HSPBAP1: variants seen among roughly 807,000 people sequenced by gnomAD.
HSPBAP1 encodes HSPB1 associated protein 1.
Under a neutral mutation model 45.2 loss-of-function variants are expected in HSPBAP1, and 27 were observed. That is an observed-to-expected ratio of 0.60 (90% CI 0.44 to 0.82). HSPBAP1 has a LOEUF of 0.82. Among genes scored for constraint, HSPBAP1 ranks in the 40% least tolerant of loss-of-function variants. HSPBAP1 has a pLI of 0.00. For synonymous variants in HSPBAP1, 204 were observed against 202.7 expected, an observed-to-expected ratio of 1.01 and a Z score of -0.06; for missense variants, 510 against 590.9, an observed-to-expected ratio of 0.86 and a Z score of 1.42.
At chr3:122,749,775 AT>A (rs1307615149) in intron 6 of HSPBAP1, among the ~76,000 whole-genome samples, 2 of 151,512 alleles carry the variant, frequency 1.3e-5, no homozygotes, top group Non-Finnish European at 2.9e-5. Context: ...TGCCCGGCTA[AT>A]TTTTTGTATT....
chr3:122,790,228 T>A (rs755552218), intron 1 of HSPBAP1, among the ~76,000 whole-genome samples: 17 of 152,204 alleles, frequency 1.1e-4, no homozygotes, highest in Non-Finnish European at 1.9e-4. Flanking sequence ...CTTGCTCTAT[T>A]TTTCTGCAAA....
At chr3:122,781,360 C>A (rs879309008) in intron 1 of HSPBAP1, among the ~76,000 whole-genome samples, 2 of 152,226 alleles carry the variant, frequency 1.3e-5, no homozygotes, top group Admixed American at 6.5e-5. Context: ...GGAGACCGGC[C>A]CGGCCAACAC....
intron 3 of HSPBAP1, among the ~76,000 whole-genome samples, chr3:122,763,583 T>C (rs368250866): frequency 6.6e-5 from 10 of 152,298 alleles, no homozygotes; most frequent in African/African-American, 2.2e-4. Context: ...TAAGCAAGTA[T>C]CATCTTAGAA....
At chr3:122,783,098 C>A (rs1935546044) in intron 1 of HSPBAP1, among the ~76,000 whole-genome samples, 1 of 152,180 alleles carries the variant, frequency 6.6e-6, no homozygotes, top group African/African-American at 2.4e-5. Context: ...GGAGTGTGTG[C>A]AGTGAGAAAG....
chr3:122,759,455 G>T, intron 3 of HSPBAP1, 95 bp from the exon 4 acceptor site: 1 of 1,288,850 alleles, frequency 7.8e-7, no homozygotes, highest in Non-Finnish European at 1.1e-6. Context: ...TTATTTAGCA[G>T]TTGGAATATT....
At position 122,759,222 on chromosome 3, in the gene HSPBAP1, A is replaced by G; in HGVS notation, c.569+2T>C. 7.0e-7 allele frequency: 1 copy of G among 1,433,424 alleles called. No homozygotes were observed. The highest frequency in any genetic ancestry group is 9.5e-7 in the Non-Finnish European group (1 of 1,057,936). The allele number at this position is 1,433,424 out of a possible 1,614,324, so 88.8% of individuals were successfully genotyped here. A position where few individuals can be genotyped will look rare whatever the true frequency, so the allele number is the denominator to read the frequency against. On this transcript the variant is annotated splice_donor_variant, in intron 4 of 7. Coordinates refer to ENST00000306103, the MANE Select transcript of HSPBAP1 (RefSeq NM_024610.6). LOFTEE classifies it high-confidence loss of function. ...ACACACACACACACACACACACATT[A>G]CCTTCCTTGTACCTGGAATACCAAG...
chr3:122,786,610 C>T (rs1935664873), intron 1 of HSPBAP1: 1 of 152,200 alleles, frequency 6.6e-6, no homozygotes. Flanking sequence ...ATTATCTGAT[C>T]TAAAAATCCC....
intron 6 of HSPBAP1, among the ~76,000 whole-genome samples, chr3:122,750,582 A>G (rs1004321536): frequency 2.7e-5 from 4 of 149,258 alleles, no homozygotes; most frequent in African/African-American, 9.9e-5. Context: ...CATTCTAGCT[A>G]CATCACTGAA....
intron 3 of HSPBAP1, among the ~76,000 whole-genome samples, chr3:122,766,191 T>C (rs1009820621): frequency 6.6e-6 from 1 of 152,236 alleles, no homozygotes; most frequent in African/African-American, 2.4e-5. Context: ...AATATTATTA[T>C]GTTAACGTAT....
chr3:122,754,669 TATTAATG>T, intron 5 of HSPBAP1: 1 of 985,306 alleles, frequency 1.0e-6, no homozygotes, highest in Non-Finnish European at 1.2e-6. Flanking sequence ...CCTTTCAAAT[TATTAATG>T]AAATATCAGA....
At position 122,740,828 on chromosome 3, in the gene HSPBAP1, A is replaced by T; in HGVS notation, c.984T>A (p.Ala328=). The change falls in exon 8 of 8, where the codon GCT becomes GCA. Residue 328 remains alanine (A), a synonymous_variant. Coordinates refer to ENST00000306103, the MANE Select transcript of HSPBAP1 (RefSeq NM_024610.6). ...HAVNCCYLNA[A]VSAFFDRCRT... is the part of the protein sequence containing the mutation. ...TGCAGCGATCAAAAAATGCAGAAAC[A>T]GCTGCATTTAAGTAGCAACAGTTGA... 2.5e-6 allele frequency: 4 copies of T among 1,614,156 alleles called. No individual in the cohort carries two copies. Among genetic ancestry groups the T allele is most frequent in the Non-Finnish European group, 3.4e-6 (4 of 1,180,028 alleles).
At chr3:122,784,146 C>T (rs1174129068) in intron 1 of HSPBAP1, among the ~76,000 whole-genome samples, 1 of 151,990 alleles carries the variant, frequency 6.6e-6, no homozygotes, top group Non-Finnish European at 1.5e-5. Flanking sequence ...TGCCTTTTAC[C>T]CAAAATAATC....
intron 3 of HSPBAP1, among the ~76,000 whole-genome samples, chr3:122,768,390 A>AG (rs1934863140): frequency 6.6e-6 from 1 of 152,246 alleles, no homozygotes; most frequent in Non-Finnish European, 1.5e-5. Flanking sequence ...TATGGAGGTC[A>AG]GGAGGCAATG....
At chr3:122,778,738 G>A (rs1289353569) in intron 1 of HSPBAP1, among the ~76,000 whole-genome samples, 3 of 152,004 alleles carry the variant, frequency 2.0e-5, no homozygotes, top group Admixed American at 2.0e-4. Flanking sequence ...CACTGTATTA[G>A]CCAAAATGGT....
intron 1 of HSPBAP1, among the ~76,000 whole-genome samples, chr3:122,788,357 T>C (rs1034248579): frequency 6.6e-6 from 1 of 152,200 alleles, no homozygotes; most frequent in African/African-American, 2.4e-5. Flanking sequence ...TTTTGCAACG[T>C]ACCTCCAAAA....
Position 122,793,783 on chromosome 3 carries a change from G to A in HSPBAP1, c.-103C>T, listed in dbSNP as rs1417167905. 13 of 1,097,688 alleles carry A rather than the reference G, an allele frequency of 1.2e-5. No individual in the cohort carries two copies. In the East Asian group the frequency reaches 3.0e-4, roughly 26 times the overall value. 68.0% of individuals were successfully genotyped at this position (1,097,688 alleles called of 1,614,324 possible). On this transcript the variant is annotated 5_prime_UTR_variant, in exon 1 of 8. Coordinates refer to ENST00000306103, the MANE Select transcript of HSPBAP1 (RefSeq NM_024610.6). The stretch of plus-strand genomic sequence containing the variant: ...GAGACCCGAAGCTGCACCACAGGAA[G>A]GAGCCCCGGCGACTCCCGCCCGGCT...
In HSPBAP1 at chr3:122,791,812, G is replaced by A. The variant is rs543024532; in HGVS notation, c.64+1805C>T. 1.2e-3 allele frequency among the ~76,000 whole-genome samples: 177 copies of A among 152,290 alleles called. 1 individual carries two copies. The highest frequency in any genetic ancestry group is 6.2e-3 in the South Asian group (30 of 4,830). ...CAGACCAAGGATTATTACAGGCCAC[G>A]GTTAAGAATCTGGGTTTTATTCTAA... On this transcript the variant is annotated intron_variant, in intron 1 of 7. Transcript: ENST00000306103.
intron 2 of HSPBAP1, among the ~76,000 whole-genome samples, chr3:122,772,460 C>T (rs1935036276): frequency 6.6e-6 from 1 of 151,944 alleles, no homozygotes; most frequent in Non-Finnish European, 1.5e-5. Context: ...TAATATGCGG[C>T]CCAAAAACCG....
intron 6 of HSPBAP1, among the ~76,000 whole-genome samples, chr3:122,749,731 C>T (rs1456486946): frequency 6.6e-6 from 1 of 152,112 alleles, no homozygotes; most frequent in Non-Finnish European, 1.5e-5. Flanking sequence ...GCCTCAGCCT[C>T]CTGAGTAGCT....
Sources: allele counts gnomAD v4.1 joint callset (sites outside exome capture counted in the v4.1 genomes callset), GRCh38; gene constraint gnomAD v4.1.1; transcripts MANE v1.5; gene names NCBI Gene and HGNC (gene_info 2026-07-23, HGNC 2026-07-21).